LRRC4C: variants seen among roughly 807,000 people sequenced by gnomAD.
The protein encoded by LRRC4C is leucine rich repeat containing 4C.
LRRC4C carries 5 observed loss-of-function variants against 33.6 expected under a neutral mutation model. That is an observed-to-expected ratio of 0.15 (90% CI 0.08 to 0.31). The LOEUF is 0.31. LRRC4C is among the 10% of genes least tolerant of loss of function. The pLI is 1.00. For missense variants in LRRC4C, 560 were observed against 796.7 expected (o/e 0.70, Z 3.58); for synonymous variants, 329 against 302.0 (o/e 1.09, Z -0.93).
chr11:40,574,522 A>C (rs1190516364), intron 3 of LRRC4C, among the ~76,000 whole-genome samples: 3 of 152,210 alleles, frequency 2.0e-5, no homozygotes, highest in Non-Finnish European at 4.4e-5. Flanking sequence ...CTGGAACATT[A>C]GTACAAATGC....
At chr11:40,580,955 C>T (rs1417954548) in intron 3 of LRRC4C, among the ~76,000 whole-genome samples, 2 of 152,246 alleles carry the variant, frequency 1.3e-5, no homozygotes, top group African/African-American at 4.8e-5. Context: ...ATTATTGTCA[C>T]TTAAATATGA....
intron 1 of LRRC4C, among the ~76,000 whole-genome samples, chr11:41,180,220 G>A (rs529390555): frequency 1.8e-4 from 27 of 152,128 alleles, no homozygotes; most frequent in Non-Finnish European, 3.4e-4. Flanking sequence ...GAAGAGAGCA[G>A]AAAATAAACT....
chr11:40,158,215 A>G (rs1206317126), intron 5 of LRRC4C, among the ~76,000 whole-genome samples: 1 of 152,198 alleles, frequency 6.6e-6, no homozygotes, highest in African/African-American at 2.4e-5. Context: ...CTAAGCTATG[A>G]GGACACAAAG....
intron 1 of LRRC4C, among the ~76,000 whole-genome samples, chr11:40,994,601 A>G (rs1472689170): frequency 6.6e-6 from 1 of 152,124 alleles, no homozygotes; most frequent in Admixed American, 6.6e-5. Flanking sequence ...ATTCATCCAA[A>G]TTGAGTTTTT....
chr11:41,082,457 G>GCA, intron 1 of LRRC4C, among the ~76,000 whole-genome samples: 1 of 144,656 alleles, frequency 6.9e-6, no homozygotes, highest in Non-Finnish European at 1.5e-5. Context: ...TTCTGGAGCT[G>GCA]GTGAAATCTT....
At chr11:40,668,296 A>G (rs1156317303) in intron 2 of LRRC4C, among the ~76,000 whole-genome samples, 1 of 152,212 alleles carries the variant, frequency 6.6e-6, no homozygotes, top group Non-Finnish European at 1.5e-5. Context: ...TTTTTAAAAC[A>G]TGGAAAGAGT....
rs534281120 is a variant in LRRC4C, at chr11:41,081,799, A to C, written c.-495-148076T>G. Among the ~76,000 whole-genome samples, 19 of 152,324 alleles carry C rather than the reference A, an allele frequency of 1.2e-4. No individual in the cohort carries two copies. The South Asian group carries it at 3.7e-3, about 30-fold the overall frequency. On this transcript the variant is annotated intron_variant, in intron 1 of 6. Transcript: ENST00000528697. ...AATAATTTAATATTATTATATTCTA[A>C]AGCTAAGACAGACGAAAGTAGCCTT...
chr11:41,188,901 GCC>G (rs531976924), intron 1 of LRRC4C, among the ~76,000 whole-genome samples: 146 of 124,344 alleles, frequency 1.2e-3, no homozygotes, highest in African/African-American at 3.2e-3. Context: ...AACAGGACCT[GCC>G]CCCCCCCCCA....
intron 3 of LRRC4C, among the ~76,000 whole-genome samples, chr11:40,426,274 A>G (rs1053853144): frequency 6.6e-6 from 1 of 152,004 alleles, no homozygotes; most frequent in African/African-American, 2.4e-5. Flanking sequence ...TGGCCTTCCA[A>G]AATGCTGGGA....
chr11:40,330,507 T>G (rs905883465), intron 3 of LRRC4C, among the ~76,000 whole-genome samples: 1 of 152,090 alleles, frequency 6.6e-6, no homozygotes, highest in Non-Finnish European at 1.5e-5. Context: ...GGTCTCACGA[T>G]GCTATGAAGA....
At chr11:40,907,997 A>G (rs901449254) in intron 2 of LRRC4C, among the ~76,000 whole-genome samples, 4 of 152,214 alleles carry the variant, frequency 2.6e-5, no homozygotes, top group Non-Finnish European at 5.9e-5. Context: ...AATATGAAAC[A>G]TAGGTATTGT....
chr11:40,231,822 T>C (rs1485530975), intron 5 of LRRC4C, among the ~76,000 whole-genome samples: 1 of 152,268 alleles, frequency 6.6e-6, no homozygotes, highest in Non-Finnish European at 1.5e-5. Context: ...CAGATATAGC[T>C]AACTTTCTCC....
At chr11:40,443,273 G>T (rs951757162) in intron 3 of LRRC4C, among the ~76,000 whole-genome samples, 9 of 152,172 alleles carry the variant, frequency 5.9e-5, no homozygotes, top group Non-Finnish European at 1.3e-4. Flanking sequence ...ACACAACTGT[G>T]ATGACAAACA....
intron 1 of LRRC4C, among the ~76,000 whole-genome samples, chr11:41,427,508 A>T (rs1022892215): frequency 6.6e-6 from 1 of 152,178 alleles, no homozygotes; most frequent in African/African-American, 2.4e-5. Context: ...GTTGATTAGA[A>T]AGCTGAGTTA....
intron 1 of LRRC4C, among the ~76,000 whole-genome samples, chr11:41,032,309 G>A (rs1352935539): frequency 2.0e-5 from 3 of 152,038 alleles, no homozygotes; most frequent in Non-Finnish European, 4.4e-5. Flanking sequence ...ATTCTGGGAA[G>A]CAATAACTTA....
At chr11:40,782,524 G>C (rs891682649) in intron 2 of LRRC4C, among the ~76,000 whole-genome samples, 5 of 151,540 alleles carry the variant, frequency 3.3e-5, no homozygotes, top group Non-Finnish European at 5.9e-5. Context: ...ATGCCCAGTT[G>C]AATCTCAATT....
chr11:41,382,843 C>G (rs1953207638), intron 1 of LRRC4C, among the ~76,000 whole-genome samples: 1 of 152,126 alleles, frequency 6.6e-6, no homozygotes, highest in African/African-American at 2.4e-5. Context: ...TGAAGGTACT[C>G]TCTTCAAAAC....
chr11:41,271,671 A>C (rs965654946), intron 1 of LRRC4C, among the ~76,000 whole-genome samples: 1 of 152,134 alleles, frequency 6.6e-6, no homozygotes, highest in African/African-American at 2.4e-5. Context: ...ATTAGTTTTC[A>C]GCATGTTCAT....
chr11:41,369,278 T>A (rs1188522945), intron 1 of LRRC4C, among the ~76,000 whole-genome samples: 3 of 152,122 alleles, frequency 2.0e-5, no homozygotes, highest in Admixed American at 2.0e-4. Context: ...TATGCCCAAC[T>A]TGGTCATGGA....
Sources: gnomAD v4.1 joint callset for allele counts (sites outside exome capture counted in the v4.1 genomes callset) on GRCh38, gnomAD v4.1.1 for gene constraint, MANE v1.5 for transcripts, NCBI Gene and HGNC (gene_info 2026-07-23, HGNC 2026-07-21) for gene names.